The following KDM4C variants were observed in gnomAD, a reference collection of about 807,000 sequenced individuals.
KDM4C encodes the protein lysine-specific demethylase 4C.
A neutral mutation model predicts 129.3 loss-of-function variants in KDM4C; 81 were observed. That is an observed-to-expected ratio of 0.63 (90% CI 0.52 to 0.75). The LOEUF (loss-of-function observed/expected upper bound fraction) is 0.75, where lower values mean the gene tolerates loss of function less well. KDM4C is among the 30% of genes least tolerant of loss of function. The probability of loss-of-function intolerance (pLI) is 0.00; values close to 1 mark genes in which losing one functional copy is unlikely to be tolerated. For missense variants in KDM4C, 1,457 were observed against 1,304.0 expected, an observed-to-expected ratio of 1.12 and a Z score of -1.81; for synonymous variants, 573 against 456.1, an observed-to-expected ratio of 1.26 and a Z score of -3.26.
chr9:6,954,469 A>T (rs895909935), intron 8 of KDM4C, among the ~76,000 whole-genome samples: 2 of 152,202 alleles, frequency 1.3e-5, no homozygotes, highest in Admixed American at 1.3e-4. Context: ...CTATTCTGGT[A>T]GCTACTCTTG....
chr9:7,007,995 C>T lies in KDM4C; in HGVS notation c.1787-3703C>T, dbSNP rs143831999. On this transcript the variant is annotated intron_variant, in intron 12 of 21. Coordinates refer to ENST00000381309, the MANE Select transcript of KDM4C (RefSeq NM_015061.6). ...AACTATCAATGCTCAAAAATGCCTT[C>T]AAAAGAGATACAGGAACCAGATGAG... Among the ~76,000 whole-genome samples the T allele has an allele frequency of 4.2e-3, 643 of 152,078 alleles. 3 individuals carry two copies. The highest frequency in any genetic ancestry group is 6.7e-3 in the Non-Finnish European group (454 of 68,004).
chr9:7,122,269 T>G (rs867566368), intron 18 of KDM4C, among the ~76,000 whole-genome samples: 2 of 107,874 alleles, frequency 1.9e-5, no homozygotes, highest in Admixed American at 8.6e-5. Context: ...ACACACACTC[T>G]CTCTCTCTCT....
At chr9:6,743,762 C>T (rs1264365426) in intron 1 of KDM4C, among the ~76,000 whole-genome samples, 1 of 152,108 alleles carries the variant, frequency 6.6e-6, no homozygotes, top group Non-Finnish European at 1.5e-5. Context: ...CTGCCTTGGC[C>T]TCCCAAAGTG....
At chr9:6,777,464 G>C (rs1823327982) in intron 1 of KDM4C, among the ~76,000 whole-genome samples, 1 of 152,156 alleles carries the variant, frequency 6.6e-6, no homozygotes, top group South Asian at 2.1e-4. Flanking sequence ...GGCTGTGGGA[G>C]GACTTTTAGA....
At chr9:7,076,003 A>C (rs1171785711) in intron 17 of KDM4C, among the ~76,000 whole-genome samples, 1 of 152,194 alleles carries the variant, frequency 6.6e-6, no homozygotes, top group Non-Finnish European at 1.5e-5. Flanking sequence ...AACACAGCTT[A>C]TGGGATAGAA....
chr9:7,174,463 C>A, intron 21 of KDM4C, 90 bp from the exon 22 acceptor site: 2 of 1,315,292 alleles, frequency 1.5e-6, no homozygotes, highest in Non-Finnish European at 2.2e-6. Context: ...CATCTGCACC[C>A]TAACCCCAGC....
At chr9:6,891,011 A>G (rs959999949) in intron 7 of KDM4C, among the ~76,000 whole-genome samples, 1 of 152,220 alleles carries the variant, frequency 6.6e-6, no homozygotes, top group Non-Finnish European at 1.5e-5. Flanking sequence ...TATGAGTTAC[A>G]TTTCAGAATT....
At chr9:7,096,765 G>C (rs1223844842) in intron 17 of KDM4C, among the ~76,000 whole-genome samples, 1 of 152,178 alleles carries the variant, frequency 6.6e-6, no homozygotes, top group African/African-American at 2.4e-5. Context: ...TAAAGATCAT[G>C]CTGATTTTCT....
At position 6,805,568 on chromosome 9, in the gene KDM4C, A is replaced by G. The variant is rs984829019; in HGVS notation, c.145-31A>G. On this transcript the variant is annotated intron_variant, in intron 2 of 21. Coordinates refer to ENST00000381309, the MANE Select transcript of KDM4C (RefSeq NM_015061.6). ...CTAAATTACTTGGAGTATTTTCAAG[A>G]TGATATTTTATTTCATTATTTTATT... The G allele has an allele frequency of 2.6e-6, 4 of 1,516,020 alleles. No individual in the cohort carries two copies. In the South Asian group the frequency reaches 5.0e-5, roughly 19 times the overall value. 93.9% of individuals were successfully genotyped at this position (1,516,020 alleles called of 1,614,324 possible).
chr9:6,821,259 T>C (rs144430929), intron 4 of KDM4C, among the ~76,000 whole-genome samples: 1,822 of 152,330 alleles, frequency 0.012, 26 homozygotes, highest in Non-Finnish European at 0.019. Flanking sequence ...CTGGGTCAAA[T>C]GATAATTCTA....
At chr9:6,906,645 T>G (rs1342213665) in intron 8 of KDM4C, among the ~76,000 whole-genome samples, 3 of 152,234 alleles carry the variant, frequency 2.0e-5, no homozygotes, top group Non-Finnish European at 1.5e-5. Flanking sequence ...TCTTGCTTTT[T>G]TGCCCGGGCT....
chr9:6,731,215 A>C (rs67631496), intron 1 of KDM4C, among the ~76,000 whole-genome samples: 13,104 of 151,966 alleles, frequency 0.086, 737 homozygotes, highest in Non-Finnish European at 0.12. Context: ...TGGGAACGTC[A>C]TGTTTACAGG....
At chr9:6,981,633 C>G (rs1405671042) in intron 9 of KDM4C, among the ~76,000 whole-genome samples, 1 of 152,128 alleles carries the variant, frequency 6.6e-6, no homozygotes, top group Non-Finnish European at 1.5e-5. Context: ...CATGCTTATC[C>G]TTGTGAACTT....
intron 1 of KDM4C, among the ~76,000 whole-genome samples, chr9:6,760,150 G>C (rs200775778): frequency 1.3e-5 from 2 of 151,790 alleles, no homozygotes; most frequent in Non-Finnish European, 1.5e-5. Context: ...CTAATCTGCT[G>C]TCTGTCTCAA....
chr9:7,018,234 C>T (rs1339063092), intron 15 of KDM4C, among the ~76,000 whole-genome samples: 1 of 151,716 alleles, frequency 6.6e-6, no homozygotes, highest in East Asian at 1.9e-4. Context: ...AATTTTAACA[C>T]AATGGTAAGT....
rs1832962058 is a variant in KDM4C, at chr9:6,821,122, G to A, written c.435+6377G>A. ...CATTTTCTTAATCCAGTCTATCATT[G>A]ATGGACATTTGGGTTGGTTCCAAGT... On this transcript the variant is annotated intron_variant, in intron 4 of 21. Transcript: ENST00000381309. 1.3e-5 allele frequency among the ~76,000 whole-genome samples: 2 copies of A among 152,096 alleles called. 1 individual carries two copies. The highest frequency in any genetic ancestry group is 1.3e-4 in the Admixed American group (2 of 15,278).
intron 1 of KDM4C, among the ~76,000 whole-genome samples, chr9:6,741,554 T>C (rs144354352): frequency 0.011 from 1,602 of 152,284 alleles, 26 homozygotes; most frequent in African/African-American, 0.035. Flanking sequence ...TCTGAACTTA[T>C]GGCAATTTAT....
intron 15 of KDM4C, among the ~76,000 whole-genome samples, chr9:7,024,487 C>G (rs967492341): frequency 1.3e-5 from 2 of 151,624 alleles, no homozygotes; most frequent in African/African-American, 2.4e-5. Context: ...TCCCCCGTCC[C>G]CCCACCCCAC....
intron 19 of KDM4C, 51 bp downstream of exon 19, chr9:7,128,287 A>T (rs1840239888): frequency 1.4e-6 from 2 of 1,385,724 alleles, no homozygotes; most frequent in Non-Finnish European, 9.5e-7. Context: ...TAAAAAAAAA[A>T]ACCAAAGTAA....
Sources: gnomAD v4.1 joint callset for allele counts (sites outside exome capture counted in the v4.1 genomes callset) on GRCh38, gnomAD v4.1.1 for gene constraint, MANE v1.5 for transcripts, NCBI Gene and HGNC (gene_info 2026-07-23, HGNC 2026-07-21) for gene names.